Variants in ITGA9 observed in about 807,000 individuals in gnomAD.
ITGA9 encodes the protein integrin alpha-9.
Under a neutral mutation model 127.8 loss-of-function variants are expected in ITGA9, and 56 were observed. The observed-to-expected ratio is 0.44, with a 90% CI of 0.35 to 0.55. The LOEUF is 0.55. Among genes scored for constraint, ITGA9 ranks in the 20% least tolerant of loss-of-function variants. The probability of loss-of-function intolerance (pLI) is 0.00; values close to 1 mark genes in which losing one functional copy is unlikely to be tolerated. For synonymous variants in ITGA9, 508 were observed against 514.5 expected, an observed-to-expected ratio of 0.99 and a Z score of 0.17; for missense variants, 1,196 against 1,347.1, an observed-to-expected ratio of 0.89 and a Z score of 1.76.
intron 19 of ITGA9, among the ~76,000 whole-genome samples, chr3:37,735,060 C>T (rs1020291571): frequency 1.3e-5 from 2 of 152,226 alleles, no homozygotes; most frequent in African/African-American, 4.8e-5. Context: ...GGCTCCAGGC[C>T]ACATGCTAAG....
At chr3:37,468,374 C>T (rs1301343822) in intron 1 of ITGA9, among the ~76,000 whole-genome samples, 1 of 152,062 alleles carries the variant, frequency 6.6e-6, no homozygotes, top group East Asian at 1.9e-4. Context: ...TCTTCAGGTT[C>T]TAGGTGTTGA....
At chr3:37,510,168 A>G (rs1483073132) in intron 8 of ITGA9, among the ~76,000 whole-genome samples, 1 of 150,826 alleles carries the variant, frequency 6.6e-6, no homozygotes, top group African/African-American at 2.4e-5. Context: ...TGCCCAGCAA[A>G]TTTTTGTATT....
chr3:37,533,596 A>G (rs1699180313), intron 14 of ITGA9, 128 bp downstream of exon 14: 2 of 859,590 alleles, frequency 2.3e-6, no homozygotes, highest in African/African-American at 1.7e-5. Context: ...CAGGCTGGAC[A>G]TCCTTTCCCT....
At chr3:37,812,694 G>A (rs1378808353) in intron 27 of ITGA9, among the ~76,000 whole-genome samples, 1 of 152,240 alleles carries the variant, frequency 6.6e-6, no homozygotes, top group Non-Finnish European at 1.5e-5. Context: ...TGTTCCTTCG[G>A]CTTCCAGCCA....
At chr3:37,720,061 G>A (rs903894290) in intron 18 of ITGA9, among the ~76,000 whole-genome samples, 1 of 152,208 alleles carries the variant, frequency 6.6e-6, no homozygotes, top group African/African-American at 2.4e-5. Context: ...CATGTTCGCA[G>A]AGGTTAGCTT....
At chr3:37,613,651 C>T (rs1340078811) in intron 15 of ITGA9, among the ~76,000 whole-genome samples, 3 of 152,220 alleles carry the variant, frequency 2.0e-5, no homozygotes, top group South Asian at 2.1e-4. Flanking sequence ...TTAATGATCA[C>T]CATTCTAACT....
At chr3:37,475,001 A>G (rs1372620830) in intron 3 of ITGA9, among the ~76,000 whole-genome samples, 2 of 152,230 alleles carry the variant, frequency 1.3e-5, no homozygotes, top group African/African-American at 4.8e-5. Flanking sequence ...TGTCGCCAGC[A>G]TGGTGGGGGC....
Position 37,775,578 on chromosome 3 carries a change from G to T in ITGA9, c.2542-1814G>T, listed in dbSNP as rs553881495. Among the ~76,000 whole-genome samples, 3 of 151,628 alleles carry T rather than the reference G, an allele frequency of 2.0e-5. No homozygotes were observed. The South Asian group carries it at 6.3e-4, about 32-fold the overall frequency. ...GGAGAATGGCTTGAACCCAGGAGGC[G>T]GAGCTTGCAGTGAGCCAAGATCGCG... On this transcript the variant is annotated intron_variant, in intron 23 of 27. Transcript: ENST00000264741.
chr3:37,598,295 A>G (rs1416835603), intron 15 of ITGA9, among the ~76,000 whole-genome samples: 3 of 152,204 alleles, frequency 2.0e-5, no homozygotes, highest in Non-Finnish European at 4.4e-5. Flanking sequence ...AGCATGTTCA[A>G]AGGCTGTGTG....
chr3:37,651,047 C>T (rs1277334360), intron 16 of ITGA9, among the ~76,000 whole-genome samples: 2 of 152,130 alleles, frequency 1.3e-5, no homozygotes, highest in Admixed American at 1.3e-4. Flanking sequence ...TTTTATCTTT[C>T]CATGATTGTG....
chr3:37,670,377 C>T (rs1283453804), intron 17 of ITGA9, among the ~76,000 whole-genome samples: 1 of 152,148 alleles, frequency 6.6e-6, no homozygotes, highest in Non-Finnish European at 1.5e-5. Flanking sequence ...GGGTCATTAA[C>T]TCAGTCCCTA....
chr3:37,534,195 A>G (rs1699185946), intron 14 of ITGA9, among the ~76,000 whole-genome samples: 3 of 152,224 alleles, frequency 2.0e-5, no homozygotes, highest in Non-Finnish European at 2.9e-5. Context: ...TAGGTGCTTC[A>G]TTTTTATTTA....
intron 10 of ITGA9, among the ~76,000 whole-genome samples, chr3:37,518,907 C>G (rs201150933): frequency 6.7e-6 from 1 of 149,824 alleles, no homozygotes. Flanking sequence ...GCCTCAGCCT[C>G]CAGAGTAGCT....
chr3:37,801,798 G>A (rs1048033120), intron 26 of ITGA9, among the ~76,000 whole-genome samples: 2 of 152,164 alleles, frequency 1.3e-5, no homozygotes, highest in East Asian at 1.9e-4. Flanking sequence ...TTCTGGGAAG[G>A]CACTGTTCTG....
At chr3:37,599,255 C>T (rs1699895248) in intron 15 of ITGA9, among the ~76,000 whole-genome samples, 1 of 152,188 alleles carries the variant, frequency 6.6e-6, no homozygotes, top group South Asian at 2.1e-4. Context: ...GATAGTTCTG[C>T]TGATCTGGGT....
intron 18 of ITGA9, among the ~76,000 whole-genome samples, chr3:37,711,156 A>G (rs1240877668): frequency 1.3e-5 from 2 of 152,170 alleles, no homozygotes; most frequent in African/African-American, 2.4e-5. Flanking sequence ...AGCACTCAGG[A>G]CCAAGGACTG....
chr3:37,652,941 C>G (rs1040567006), intron 16 of ITGA9, among the ~76,000 whole-genome samples: 1 of 152,204 alleles, frequency 6.6e-6, no homozygotes, highest in Non-Finnish European at 1.5e-5. Flanking sequence ...GCCCTAACCC[C>G]TCTCCAAATG....
chr3:37,693,225 A>T (rs1700850004), intron 18 of ITGA9, among the ~76,000 whole-genome samples: 1 of 152,182 alleles, frequency 6.6e-6, no homozygotes, highest in Non-Finnish European at 1.5e-5. Context: ...ACTGAGATAG[A>T]TGGATAGGCC....
At chr3:37,456,973 A>G (rs1207088151) in intron 1 of ITGA9, among the ~76,000 whole-genome samples, 1 of 152,170 alleles carries the variant, frequency 6.6e-6, no homozygotes, top group East Asian at 1.9e-4. Flanking sequence ...GACACAACAC[A>G]GAGAGAACAT....
Sources: gnomAD v4.1 joint callset for allele counts (sites outside exome capture counted in the v4.1 genomes callset) on GRCh38, gnomAD v4.1.1 for gene constraint, MANE v1.5 for transcripts, NCBI Gene and HGNC (gene_info 2026-07-23, HGNC 2026-07-21) for gene names.